KDM5D: variants seen among roughly 807,000 people sequenced by gnomAD.
KDM5D encodes the protein lysine-specific demethylase 5D.
In KDM5D, 25 loss-of-function variants were observed where a neutral mutation model predicts 31.9. The observed-to-expected ratio is 0.78, with a 90% CI of 0.57 to 1.09. KDM5D has a LOEUF of 1.09. KDM5D is among the 50% of genes least tolerant of loss of function. KDM5D has a pLI of 0.00. For synonymous variants in KDM5D, 146 were observed against 122.3 expected (o/e 1.19, Z -1.28); for missense variants, 366 against 341.6 (o/e 1.07, Z -0.56).
chrY:19,714,473 G>A (rs2124185237), intron 18 of KDM5D, among the ~76,000 whole-genome samples: 1 of 33,845 alleles, frequency 3.0e-5, no homozygotes, highest in East Asian at 7.7e-4. Context: ...TCCTCACCCA[G>A]AGAAACTTCC....
rs372918089 is a variant in KDM5D, at chrY:19,703,956, A to C, written c.*2039T>G. 2.9e-5 allele frequency: 1 copy of C among 34,068 alleles called. No homozygotes were observed. The highest frequency in any genetic ancestry group is 7.6e-4 in the East Asian group (1 of 1,308). The allele number at this position is 34,068 out of a possible 400,897, so 8.5% of individuals were successfully genotyped here. On this transcript the variant is annotated 3_prime_UTR_variant, in exon 27 of 27. Coordinates refer to ENST00000317961, the MANE Select transcript of KDM5D (RefSeq NM_004653.5). ...TATCGCAGAGAACACTGAATGGCCT[A>C]TGAAATTCAATTTTTGCTGCAGATT... is the stretch of plus-strand genomic sequence containing the variant.
intron 24 of KDM5D, 21 bp downstream of exon 24, chrY:19,707,126 T>C: frequency 5.1e-6 from 2 of 394,547 alleles, no homozygotes; most frequent in Non-Finnish European, 7.1e-6. Flanking sequence ...ATGAGGACAA[T>C]GGCTGGCCTG....
chrY:19,723,027 G>A (rs2045405790), intron 11 of KDM5D, among the ~76,000 whole-genome samples: 1 of 32,882 alleles, frequency 3.0e-5, no homozygotes, highest in African/African-American at 1.2e-4. Flanking sequence ...TAAGCCAAAA[G>A]ACAAAGATGT....
intron 13 of KDM5D, among the ~76,000 whole-genome samples, chrY:19,717,496 TG>T (rs2045357512): frequency 3.3e-5 from 1 of 29,928 alleles, no homozygotes; most frequent in Admixed American, 3.1e-4. Context: ...AATGGGGTGG[TG>T]GGGGTGGGGA....
At position 19,741,788 on chromosome Y, in the gene KDM5D, A is replaced by G. The variant is rs746305081; in HGVS notation, c.298T>C (p.Leu100=). 9 of 388,307 alleles carry G rather than the reference A, an allele frequency of 2.3e-5. No individual in the cohort carries two copies. In the South Asian group the frequency reaches 2.7e-4, roughly 12 times the overall value. ...AKFWEIQGSS[L]KIPNVERKIL... Reference sequence around the variant, plus strand: ...TTCCGCTCCACATTGGGAATCTTTAAAGAGGAGCCTTGAATTTCCCAGAAT... The same window carrying G: ...TTCCGCTCCACATTGGGAATCTTTAGAGAGGAGCCTTGAATTTCCCAGAAT... The change falls in exon 4 of 27, where the codon TTA becomes CTA. Residue 100 remains leucine, a synonymous_variant. Coordinates refer to ENST00000317961, the MANE Select transcript of KDM5D (RefSeq NM_004653.5).
In KDM5D at chrY:19,716,669, G is replaced by T; in HGVS notation, c.1763C>A (p.Pro588His). The change falls in exon 14 of 27, where the codon CCT becomes CAT. Residue 588 changes from proline (P) to histidine (H), a missense_variant. Transcript: ENST00000317961. ...GTTAAAACCACTGTGGTAAGCACGAGGAAAAGTGATGACAAACTCCCCTGC... is the reference window on the plus strand; with the variant it reads ...GTTAAAACCACTGTGGTAAGCACGATGAAAAGTGATGACAAACTCCCCTGC... ...QCAGEFVITFPRAYHSGFNQG... is the reference protein window; with the variant it reads ...QCAGEFVITFHRAYHSGFNQG... 1 of 398,165 alleles carries T rather than the reference G, an allele frequency of 2.5e-6. No individual in the cohort carries two copies. Among genetic ancestry groups the T allele is most frequent in the Non-Finnish European group, 3.5e-6 (1 of 282,770 alleles).
At chrY:19,732,529 A>G in intron 9 of KDM5D, 55 bp downstream of exon 9, 1 of 298,791 alleles carries the variant, frequency 3.3e-6, no homozygotes. Context: ...CCAGAAGGGG[A>G]GATTACAGAA....
Position 19,715,858 on chromosome Y carries a change from G to A in KDM5D, c.2178C>T (p.Asp726=). The A allele has an allele frequency of 2.5e-6, 1 of 397,034 alleles. No individual in the cohort carries two copies. ...GTCGGCTACTAGAGCACTTGCAGAG[G>A]TCATTGATGTGGGAAAGGCATACAA... is the stretch of plus-strand genomic sequence containing the variant. ...DGLVCLSHIN[D]LCKCSSSRQY... Residue 726 remains aspartate (D), a synonymous_variant, in exon 16 of 27, where the codon GAC becomes GAT. Transcript: ENST00000317961.
At position 19,706,836 on chromosome Y, in the gene KDM5D, T is replaced by C; in HGVS notation, c.4027A>G (p.Ser1343Gly). Residue 1343 changes from serine to glycine, a missense_variant, in exon 25 of 27, where the codon AGT becomes GGT. Coordinates refer to ENST00000317961, the MANE Select transcript of KDM5D (RefSeq NM_004653.5). Reference sequence around the variant, plus strand: ...GCCATGTTCTCAGGACTGGTCACACTGTCTCCATTCTCCAGCAGCCCTTGG... The same window carrying C: ...GCCATGTTCTCAGGACTGGTCACACCGTCTCCATTCTCCAGCAGCCCTTGG... ...KVQGLLENGD[S>G]VTSPENMAPG... 2.5e-6 allele frequency: 1 copy of C among 397,900 alleles called. No homozygotes were observed. The highest frequency in any genetic ancestry group is 9.2e-5 in the East Asian group (1 of 10,859).
intron 13 of KDM5D, among the ~76,000 whole-genome samples, chrY:19,720,376 G>A: frequency 3.0e-5 from 1 of 33,158 alleles, no homozygotes; most frequent in African/African-American, 1.2e-4. Context: ...CTTATAAAGC[G>A]GTTAACTCAA....
intron 18 of KDM5D, among the ~76,000 whole-genome samples, chrY:19,714,719 C>T: frequency 3.0e-5 from 1 of 33,553 alleles, no homozygotes; most frequent in Non-Finnish European, 7.4e-5. Flanking sequence ...TGTAAGTAGA[C>T]GGTGCGTATG....
At chrY:19,742,343 A>G (rs2045558973) in intron 3 of KDM5D, among the ~76,000 whole-genome samples, 1 of 34,155 alleles carries the variant, frequency 2.9e-5, no homozygotes, top group Non-Finnish European at 7.3e-5. Context: ...GTAAAAGAAA[A>G]TGACAAATCA....
intron 13 of KDM5D, among the ~76,000 whole-genome samples, chrY:19,718,939 G>C (rs2124191346): frequency 3.0e-5 from 1 of 33,141 alleles, no homozygotes; most frequent in Non-Finnish European, 7.5e-5. Flanking sequence ...GGGAGGCCGA[G>C]GCGGGCGGAT....
chrY:19,728,068 A>G (rs2045445674), intron 11 of KDM5D, among the ~76,000 whole-genome samples: 1 of 33,265 alleles, frequency 3.0e-5, no homozygotes. Context: ...TAAAAGCTGA[A>G]TTCTCAAGTT....
Position 19,704,225 on chromosome Y carries a change from AT to A in KDM5D, c.*1769del, listed in dbSNP as rs2045217151. 1 of 33,718 alleles carries A rather than the reference AT, an allele frequency of 3.0e-5. No homozygotes were observed. Among genetic ancestry groups the A allele is most frequent in the Admixed American group, 2.7e-4 (1 of 3,667 alleles). 8.4% of individuals were successfully genotyped at this position (33,718 alleles called of 400,897 possible). ...ATTTGTGACTCAGAACTTTAGTGAG[AT>A]TTTTATAGGCAGAAGTTCTCATCAT... On this transcript the variant is annotated 3_prime_UTR_variant, in exon 27 of 27. Transcript: ENST00000317961.
intron 11 of KDM5D, among the ~76,000 whole-genome samples, chrY:19,728,137 G>C (rs757083393): frequency 3.1e-5 from 1 of 32,544 alleles, no homozygotes; most frequent in South Asian, 6.8e-4. Context: ...CACACATCAA[G>C]AAAACTTGCA....
chrY:19,734,413 A>C, intron 8 of KDM5D, among the ~76,000 whole-genome samples: 7 of 34,107 alleles, frequency 2.1e-4, no homozygotes, highest in Non-Finnish European at 3.7e-4. Context: ...CTAAAAGAAG[A>C]AGCCAATACA....
At chrY:19,710,842 G>A in intron 18 of KDM5D, among the ~76,000 whole-genome samples, 1 of 33,398 alleles carries the variant, frequency 3.0e-5, no homozygotes, top group Non-Finnish European at 7.4e-5. Flanking sequence ...CCCCTGGATG[G>A]TTTAAGTTAT....
intron 18 of KDM5D, among the ~76,000 whole-genome samples, chrY:19,711,229 T>C: frequency 3.0e-5 from 1 of 33,227 alleles, no homozygotes; most frequent in African/African-American, 1.2e-4. Context: ...GGCATGTTAT[T>C]TGGGTATCAT....
Sources: allele counts gnomAD v4.1 joint callset (sites outside exome capture counted in the v4.1 genomes callset), GRCh38; gene constraint gnomAD v4.1.1; transcripts MANE v1.5; gene names NCBI Gene and HGNC (gene_info 2026-07-23, HGNC 2026-07-21).